Variants in ZNHIT6 observed in about 807,000 individuals in gnomAD.
ZNHIT6 encodes box C/D snoRNA protein 1.
A neutral mutation model predicts 57.2 loss-of-function variants in ZNHIT6; 45 were observed. The observed-to-expected ratio is 0.79, with a 90% CI of 0.62 to 1.01. ZNHIT6 has a LOEUF of 1.01. ZNHIT6 is among the 50% of genes least tolerant of loss of function. The pLI is 0.00. For missense variants in ZNHIT6, 528 were observed against 567.3 expected (o/e 0.93, Z 0.70); for synonymous variants, 188 against 190.0 (o/e 0.99, Z 0.09).
At chr1:85,696,319 A>C (rs890365729) in intron 5 of ZNHIT6, among the ~76,000 whole-genome samples, 1 of 152,158 alleles carries the variant, frequency 6.6e-6, no homozygotes, top group African/African-American at 2.4e-5. Context: ...CACCAATTTA[A>C]AGTGAGCTTC....
chr1:85,706,624 A>AGCTGTTGAACATCATTT (rs1662693710), intron 1 of ZNHIT6, 117 bp from the exon 2 acceptor site: 1 of 939,930 alleles, frequency 1.1e-6, no homozygotes. Context: ...AATATTTGAT[A>AGCTGTTGAACATCATTT]GCTGTTGAAC....
intron 8 of ZNHIT6, among the ~76,000 whole-genome samples, chr1:85,667,961 A>AAAAAAAAAAAAAAAAAAATATATATAT: frequency 5.5e-5 from 1 of 18,200 alleles, no homozygotes; most frequent in Non-Finnish European, 9.9e-5. Flanking sequence ...AAAAAAAAAA[A>AAAAAAAAAAAAAAAAAAATATATATAT]ATATATATAT....
At chr1:85,680,691 A>G (rs1661847945) in intron 6 of ZNHIT6, 145 bp downstream of exon 6, 6 of 547,984 alleles carry the variant, frequency 1.1e-5, no homozygotes, top group South Asian at 1.0e-4. Flanking sequence ...GCTGTAGTTC[A>G]TTTTTAGTGA....
rs1356773328 is a variant in ZNHIT6, at chr1:85,706,279, G to A, written c.799C>T (p.Gln267Ter). Residue 267 changes from glutamine (Q) to a stop codon, truncating the protein, a stop_gained, in exon 3 of 10, where the codon CAA becomes TAA. Transcript: ENST00000370574. LOFTEE classifies it high-confidence loss of function. ...VRDKTAYISIQQFTEMNLLSD... is the reference protein window; with the variant it reads ...VRDKTAYISI ...AGGAGATTCATTTCAGTAAACTGTT[G>A]TATTGAAATGTATGCAGTTTTATCT... 5.6e-6 allele frequency: 9 copies of A among 1,611,806 alleles called. No individual in the cohort carries two copies. Among genetic ancestry groups the A allele is most frequent in the East Asian group, 2.2e-5 (1 of 44,814 alleles).
intron 5 of ZNHIT6, among the ~76,000 whole-genome samples, chr1:85,690,548 TCTGTGCTACCATACCCCATGAG>T (rs888855731): frequency 1.3e-5 from 2 of 151,978 alleles, no homozygotes; most frequent in Non-Finnish European, 2.9e-5. Flanking sequence ...GGAGTCCTCC[TCTGTGCTACCATACCCCATGAG>T]TACTCCATCA....
Position 85,706,277 on chromosome 1 carries a change from T to C in ZNHIT6, c.801A>G (p.Gln267=). The change falls in exon 3 of 10, where the codon CAA becomes CAG. Residue 267 remains glutamine, a synonymous_variant. Coordinates refer to ENST00000370574, the MANE Select transcript of ZNHIT6 (RefSeq NM_017953.4). ...TTAGGAGATTCATTTCAGTAAACTG[T>C]TGTATTGAAATGTATGCAGTTTTAT... ...VRDKTAYISI[Q]QFTEMNLLSD... is the part of the protein sequence containing the mutation. 1 of 1,612,016 alleles carries C rather than the reference T, an allele frequency of 6.2e-7. No homozygotes were observed. The highest frequency in any genetic ancestry group is 8.5e-7 in the Non-Finnish European group (1 of 1,178,706).
At chr1:85,677,386 G>T in intron 7 of ZNHIT6, 73 bp from the exon 8 acceptor site, 1 of 1,197,830 alleles carries the variant, frequency 8.3e-7, no homozygotes, top group Non-Finnish European at 1.2e-6. Context: ...TGGAGACTAA[G>T]CATTTGTACC....
At chr1:85,668,102 T>TGTAAA (rs767674890) in intron 8 of ZNHIT6, among the ~76,000 whole-genome samples, 1 of 150,306 alleles carries the variant, frequency 6.7e-6, no homozygotes, top group African/African-American at 2.4e-5. Context: ...AAAAATGTAA[T>TGTAAA]GTAAAGTAAA....
intron 8 of ZNHIT6, among the ~76,000 whole-genome samples, chr1:85,672,393 A>C (rs1405793648): frequency 6.6e-6 from 1 of 152,164 alleles, no homozygotes; most frequent in Admixed American, 6.6e-5. Flanking sequence ...TTTTAAAAAA[A>C]AGTTTAAAAA....
chr1:85,681,639 C>T (rs1179887535), intron 5 of ZNHIT6, among the ~76,000 whole-genome samples: 1 of 152,144 alleles, frequency 6.6e-6, no homozygotes, highest in Non-Finnish European at 1.5e-5. Flanking sequence ...TTAATGACTA[C>T]CGATATCTCC....
chr1:85,707,657 C>A lies in ZNHIT6; in HGVS notation c.628G>T (p.Gly210Cys), dbSNP rs200373196. 1.3e-6 allele frequency: 2 copies of A among 1,558,898 alleles called. No homozygotes were observed. Among genetic ancestry groups the A allele is most frequent in the Non-Finnish European group, 1.7e-6 (2 of 1,156,996 alleles). ...GACATGGCCAGTTTCCGCTTGCAGC[C>A]CACCGGGTGATTTATCGGAGGCTCT... is the stretch of plus-strand genomic sequence containing the variant. The part of the protein sequence containing the change: ...KEEPPINHPV[G>C]CKRKLAMSRC... The change falls in exon 1 of 10, where the codon GGC (glycine) becomes TGC (cysteine). Residue 210 changes from glycine to cysteine, a missense_variant. Coordinates refer to ENST00000370574, the MANE Select transcript of ZNHIT6 (RefSeq NM_017953.4).
At chr1:85,702,318 G>A in intron 4 of ZNHIT6, 58 bp from the exon 5 acceptor site, 1 of 1,054,754 alleles carries the variant, frequency 9.5e-7, no homozygotes, top group South Asian at 1.5e-5. Context: ...TTTAAAAAGT[G>A]AGTAAAACAA....
rs1418309656 is a variant in ZNHIT6, at chr1:85,704,727, G to A, written c.915+1351C>T. ...TAATTTTCTTTCAGATATGTGTAAT[G>A]TAATTATGTCTGTACCAATAATACC... On this transcript the variant is annotated intron_variant, in intron 4 of 9. Coordinates refer to ENST00000370574, the MANE Select transcript of ZNHIT6 (RefSeq NM_017953.4). 2.0e-5 allele frequency among the ~76,000 whole-genome samples: 3 copies of A among 152,084 alleles called. 1 individual carries two copies. The South Asian group carries it at 6.2e-4, about 32-fold the overall frequency.
At chr1:85,687,311 A>AAAAAAAAAAAAAT (rs1557861264) in intron 5 of ZNHIT6, among the ~76,000 whole-genome samples, 1 of 142,368 alleles carries the variant, frequency 7.0e-6, no homozygotes, top group East Asian at 2.2e-4. Flanking sequence ...AAAAAAAAAA[A>AAAAAAAAAAAAAT]CAATTTAGAA....
chr1:85,650,632 A>G lies in ZNHIT6; in HGVS notation c.*3426T>C, dbSNP rs1183098708. 1 of 152,216 alleles carries G rather than the reference A, an allele frequency of 6.6e-6. No individual in the cohort carries two copies. The highest frequency in any genetic ancestry group is 2.4e-5 in the African/African-American group (1 of 41,448). The allele number at this position is 152,216 out of a possible 1,614,324, so 9.4% of individuals were successfully genotyped here. A position where few individuals can be genotyped will look rare whatever the true frequency, so the allele number is the denominator to read the frequency against. ...TTGGCTCATGATTCTGGTGGCTGGA[A>G]GGCTCAAGATTGGGCAGCTGTATCT... On this transcript the variant is annotated 3_prime_UTR_variant, in exon 10 of 10. Coordinates refer to ENST00000370574, the MANE Select transcript of ZNHIT6 (RefSeq NM_017953.4).
At position 85,651,080 on chromosome 1, in the gene ZNHIT6, T is replaced by A. The variant is rs1405678034; in HGVS notation, c.*2978A>T. ...GTACAACACAAAGTATATGTCAACA[T>A]AATTAAACAAAAATGTATAAAGAAA... On this transcript the variant is annotated 3_prime_UTR_variant, in exon 10 of 10. Coordinates refer to ENST00000370574, the MANE Select transcript of ZNHIT6 (RefSeq NM_017953.4). The A allele has an allele frequency of 6.6e-6, 1 of 152,180 alleles. No individual in the cohort carries two copies. Among genetic ancestry groups the A allele is most frequent in the Admixed American group, 6.5e-5 (1 of 15,280 alleles). The allele number at this position is 152,180 out of a possible 1,614,324, so 9.4% of individuals were successfully genotyped here. A position where few individuals can be genotyped will look rare whatever the true frequency, so the allele number is the denominator to read the frequency against.
At chr1:85,675,386 T>C (rs1183349399) in intron 8 of ZNHIT6, among the ~76,000 whole-genome samples, 2 of 152,200 alleles carry the variant, frequency 1.3e-5, no homozygotes, top group Non-Finnish European at 2.9e-5. Flanking sequence ...ATCGAAGTTG[T>C]CAATAAGCAG....
intron 9 of ZNHIT6, among the ~76,000 whole-genome samples, chr1:85,655,166 T>C (rs1228452864): frequency 1.3e-5 from 2 of 152,192 alleles, no homozygotes; most frequent in African/African-American, 2.4e-5. Context: ...GCCTCCATGA[T>C]ATTAAAAGTT....
intron 5 of ZNHIT6, among the ~76,000 whole-genome samples, chr1:85,694,165 G>A (rs150554474): frequency 1.3e-5 from 2 of 152,272 alleles, no homozygotes; most frequent in African/African-American, 4.8e-5. Context: ...ACAGGTGCAT[G>A]TATTTGTCAA....
Sources: allele counts gnomAD v4.1 joint callset (sites outside exome capture counted in the v4.1 genomes callset), GRCh38; gene constraint gnomAD v4.1.1; transcripts MANE v1.5; gene names NCBI Gene and HGNC (gene_info 2026-07-23, HGNC 2026-07-21).